HUWE1: variants seen among roughly 807,000 people sequenced by gnomAD.
The protein encoded by HUWE1 is HECT, UBA and WWE domain containing E3 ubiquitin protein ligase 1, also known as E3 ubiquitin-protein ligase HUWE1.
A neutral mutation model predicts 299.4 loss-of-function variants in HUWE1; 18 were observed. The observed-to-expected ratio is 0.06, with a 90% CI of 0.04 to 0.09. HUWE1 has a LOEUF of 0.09. HUWE1 is among the 10% of genes least tolerant of loss of function. The pLI is 1.00. For synonymous variants in HUWE1, 1,317 were observed against 1,286.1 expected, an observed-to-expected ratio of 1.02 and a Z score of -0.51; for missense variants, 1,832 against 3,462.3, an observed-to-expected ratio of 0.53 and a Z score of 11.82.
rs144242491 is a variant in HUWE1 at position 53,677,595 on chromosome X, T to TAA, written c.-25+2452_-25+2453dup. Among the ~76,000 whole-genome samples the TAA allele has an allele frequency of 1.2e-4, 8 of 66,769 alleles. No homozygotes were observed. The East Asian group carries it at 1.3e-3, about 11-fold the overall frequency. 58.0% of individuals were successfully genotyped at this position (66,769 alleles called of 115,157 possible). A position where few individuals can be genotyped will look rare whatever the true frequency, so the allele number is the denominator to read the frequency against. On this transcript the variant is annotated intron_variant, in intron 3 of 83. Coordinates refer to ENST00000262854, the MANE Select transcript of HUWE1 (RefSeq NM_031407.7). Reference sequence around the variant, plus strand: ...GCCGTAATAAAGAATATTGGAAGTTTAAAAAAAAAAAAAAAAAAAGCAAAG... The same window carrying TAA: ...GCCGTAATAAAGAATATTGGAAGTTTAAAAAAAAAAAAAAAAAAAAAGCAAAG...
chrX:53,615,607 A>C (rs2065759707), intron 22 of HUWE1, 137 bp downstream of exon 22: 1 of 506,985 alleles, frequency 2.0e-6, no homozygotes, highest in Non-Finnish European at 3.5e-6. Flanking sequence ...ACCTAAGGAC[A>C]TGGAAACAAT....
At chrX:53,539,528 C>CTCTT in intron 75 of HUWE1, 129 bp downstream of exon 75, 1 of 627,583 alleles carries the variant, frequency 1.6e-6, no homozygotes, top group Non-Finnish European at 2.5e-6. Context: ...AAAAACACTT[C>CTCTT]TCTTTTGAAT....
At chrX:53,589,096 T>C (rs2064011939) in intron 36 of HUWE1, among the ~76,000 whole-genome samples, 3 of 109,346 alleles carry the variant, frequency 2.7e-5, no homozygotes, top group Non-Finnish European at 5.7e-5. Flanking sequence ...TAACTGGCTA[T>C]CTGGGTGTGG....
intron 47 of HUWE1, among the ~76,000 whole-genome samples, chrX:53,572,259 G>A (rs1184895564): frequency 1.8e-5 from 2 of 111,570 alleles, no homozygotes; most frequent in African/African-American, 3.3e-5. Flanking sequence ...GAGAACTCAA[G>A]ATAATGGTTA....
chrX:53,630,750 C>A (rs1416311456), intron 12 of HUWE1, 185 bp downstream of exon 12: 2 of 400,845 alleles, frequency 5.0e-6, no homozygotes, highest in East Asian at 8.0e-5. Context: ...CCCTCTTTCT[C>A]GTCCAACATT....
At chrX:53,589,866 G>A (rs781985836) in intron 35 of HUWE1, 50 bp from the exon 36 acceptor site, 1 of 1,130,013 alleles carries the variant, frequency 8.8e-7, no homozygotes, top group South Asian at 1.9e-5. Context: ...GGTGAAGGAG[G>A]AAAGATAAGA....
At chrX:53,655,501 A>G (rs946713957) in intron 3 of HUWE1, among the ~76,000 whole-genome samples, 2 of 112,252 alleles carry the variant, frequency 1.8e-5, no homozygotes, top group African/African-American at 6.5e-5. Flanking sequence ...GTAATTCCAG[A>G]TTACTTTTTA....
In HUWE1 at chrX:53,614,662, G is replaced by A. The variant is rs782522953; in HGVS notation, c.2133C>T (p.Ala711=). ...GATTAGACCTTGGGGGAGGAGCAGT[G>A]GCAGTGCCATCTGCCTTCTGGATTG... ...KPSIQKADGT[A]TAPPPRSNHA... is the part of the protein sequence containing the mutation. The change falls in exon 23 of 84, where the codon GCC becomes GCT. Residue 711 remains alanine (A), a synonymous_variant. Transcript: ENST00000262854. 1.7e-6 allele frequency: 2 copies of A among 1,205,481 alleles called. No individual in the cohort carries two copies.
At chrX:53,649,638 CTAAGATG>C (rs1419630266) in intron 4 of HUWE1, among the ~76,000 whole-genome samples, 1 of 111,960 alleles carries the variant, frequency 8.9e-6, no homozygotes, top group Non-Finnish European at 1.9e-5. Flanking sequence ...CTCTTCTCCT[CTAAGATG>C]TAAGTTGAGG....
At chrX:53,647,622 G>A (rs191544900) in intron 5 of HUWE1, 48 bp from the exon 6 acceptor site, 23 of 927,941 alleles carry the variant, frequency 2.5e-5, no homozygotes, top group Admixed American at 2.4e-4. Flanking sequence ...TAGAAGCGCC[G>A]CATGGGTGCT....
chrX:53,627,664 A>G (rs2066609466), intron 16 of HUWE1, 75 bp downstream of exon 16: 1 of 999,486 alleles, frequency 1.0e-6, no homozygotes, highest in African/African-American at 1.9e-5. Flanking sequence ...ATCGCTCTTT[A>G]GGGTTATCAG....
At chrX:53,643,453 G>A (rs782206797) in intron 7 of HUWE1, among the ~76,000 whole-genome samples, 4 of 110,705 alleles carry the variant, frequency 3.6e-5, no homozygotes, top group Non-Finnish European at 5.7e-5. Context: ...GGGTTCAAGC[G>A]ATTCTCCTGC....
intron 34 of HUWE1, 35 bp from the exon 35 acceptor site, chrX:53,590,534 C>T (rs1556977831): frequency 9.7e-7 from 1 of 1,029,407 alleles, no homozygotes. Flanking sequence ...TAAGGATACA[C>T]ACTCAAAACA....
intron 60 of HUWE1, chrX:53,556,423 G>A: frequency 3.0e-6 from 1 of 329,510 alleles, no homozygotes; most frequent in South Asian, 2.8e-5. Flanking sequence ...AGGGTACCAA[G>A]GCATCTACCC....
At chrX:53,645,674 C>T (rs1283004485) in intron 6 of HUWE1, among the ~76,000 whole-genome samples, 2 of 96,721 alleles carry the variant, frequency 2.1e-5, no homozygotes, top group Non-Finnish European at 4.1e-5. Flanking sequence ...GATCACGCCA[C>T]TGCACTCCAG....
intron 2 of HUWE1, chrX:53,683,768 C>A (rs1246142094): frequency 7.1e-6 from 2 of 282,341 alleles, no homozygotes; most frequent in Non-Finnish European, 1.2e-5. Context: ...ATAGCCAACA[C>A]CTCTGTGCTG....
At chrX:53,570,517 G>A (rs1569454338) in intron 47 of HUWE1, among the ~76,000 whole-genome samples, 2 of 112,008 alleles carry the variant, frequency 1.8e-5, no homozygotes, top group African/African-American at 6.5e-5. Context: ...AATGTGCCCA[G>A]GACCCTGTGC....
chrX:53,630,709 C>T (rs782816337), intron 12 of HUWE1, among the ~76,000 whole-genome samples: 1 of 108,076 alleles, frequency 9.3e-6, no homozygotes, highest in South Asian at 4.0e-4. Context: ...CAAGAATAAA[C>T]CCAGGTGACA....
intron 20 of HUWE1, 35 bp downstream of exon 20, chrX:53,617,305 A>G: frequency 1.9e-6 from 2 of 1,044,339 alleles, no homozygotes; most frequent in South Asian, 2.0e-5. Context: ...TTCACGCCCT[A>G]AGACATTCTT....
Sources: gnomAD v4.1 joint callset for allele counts (sites outside exome capture counted in the v4.1 genomes callset) on GRCh38, gnomAD v4.1.1 for gene constraint, MANE v1.5 for transcripts, NCBI Gene and HGNC (gene_info 2026-07-23, HGNC 2026-07-21) for gene names.